The following DICER1 variants were observed in gnomAD, a reference collection of about 807,000 sequenced individuals.
DICER1 encodes endoribonuclease Dicer.
DICER1 carries 43 observed loss-of-function variants against 194.1 expected under a neutral mutation model. The observed-to-expected ratio is 0.22, with a 90% CI of 0.17 to 0.29. The LOEUF (loss-of-function observed/expected upper bound fraction) is 0.29. Ranked by LOEUF, DICER1 falls within the 10% of genes least tolerant of loss-of-function variation. The probability of loss-of-function intolerance (pLI) is 1.00; values close to 1 mark genes in which losing one functional copy is unlikely to be tolerated. For missense variants in DICER1, 1,608 were observed against 2,317.0 expected (o/e 0.69, Z 6.28); for synonymous variants, 832 against 820.5 (o/e 1.01, Z -0.24).
intron 1 of DICER1, among the ~76,000 whole-genome samples, chr14:95,137,565 G>A (rs998878107): frequency 6.7e-6 from 1 of 149,292 alleles, no homozygotes; most frequent in Non-Finnish European, 1.5e-5. Context: ...ATGGAGAAGG[G>A]GAAGGGAAAG....
At position 95,112,163 on chromosome 14, in the gene DICER1, C is replaced by T. The variant is rs1236713443; in HGVS notation, c.2116+9G>A. On this transcript the variant is annotated intron_variant, in intron 13 of 26. Coordinates refer to ENST00000343455, the MANE Select transcript of DICER1 (RefSeq NM_177438.3). ...TTTTCATTCGTATATGCTTTTCAAA[C>T]ATCCTTACCAATTTTGTGCAGTTTC... is the stretch of plus-strand genomic sequence containing the variant. 3 of 1,611,930 alleles carry T rather than the reference C, an allele frequency of 1.9e-6. No homozygotes were observed. The highest frequency in any genetic ancestry group is 1.7e-5 in the Admixed American group (1 of 60,014).
intron 1 of DICER1, among the ~76,000 whole-genome samples, chr14:95,152,879 G>A (rs1436813012): frequency 3.3e-5 from 5 of 152,062 alleles, no homozygotes; most frequent in East Asian, 1.9e-4. Flanking sequence ...TATACACCAC[G>A]ATACAACCAG....
intron 8 of DICER1, among the ~76,000 whole-genome samples, chr14:95,118,037 A>T (rs1053898813): frequency 1.2e-4 from 18 of 152,234 alleles, no homozygotes; most frequent in Admixed American, 1.1e-3. Context: ...ACGGTGATTT[A>T]ATAGAAATGT....
rs2140295035 is a variant in DICER1, at chr14:95,133,312, T to C, written c.144+3A>G. 1 of 1,614,060 alleles carries C rather than the reference T, an allele frequency of 6.2e-7. No individual in the cohort carries two copies. The highest frequency in any genetic ancestry group is 8.5e-7 in the Non-Finnish European group (1 of 1,179,988). ...GCTCCAGTATTAGTGTTCGCATTAG[T>C]ACCTGATATTTTCTTGGCGTATAAA... is the stretch of plus-strand genomic sequence containing the variant. On this transcript the variant is annotated splice_donor_region_variant and intron_variant, in intron 2 of 26. Coordinates refer to ENST00000343455, the MANE Select transcript of DICER1 (RefSeq NM_177438.3).
In DICER1 at chr14:95,096,808, A is replaced by C. The variant is rs1890399335; in HGVS notation, c.4207-95T>G. 5.0e-6 allele frequency: 7 copies of C among 1,402,356 alleles called. No individual in the cohort carries two copies. The South Asian group carries it at 1.0e-4, about 21-fold the overall frequency. The allele number at this position is 1,402,356 out of a possible 1,614,324, so 86.9% of individuals were successfully genotyped here. The stretch of plus-strand genomic sequence containing the variant: ...AAAAGCAAGGGTTATGGATAATTTC[A>C]AATGACAACCACAAATACTAAAAGG... On this transcript the variant is annotated intron_variant, in intron 22 of 26. Coordinates refer to ENST00000343455, the MANE Select transcript of DICER1 (RefSeq NM_177438.3).
intron 4 of DICER1, among the ~76,000 whole-genome samples, chr14:95,130,595 G>A (rs1453624640): frequency 6.6e-6 from 1 of 152,156 alleles, no homozygotes; most frequent in African/African-American, 2.4e-5. Context: ...TATTTTTGTA[G>A]CCTATCATTA....
intron 5 of DICER1, 80 bp downstream of exon 5, chr14:95,129,978 G>T: frequency 7.5e-7 from 1 of 1,331,080 alleles, no homozygotes; most frequent in Non-Finnish European, 1.1e-6. Context: ...TAATATTATT[G>T]CTTTTGAAAT....
At chr14:95,150,751 G>A (rs1486983905) in intron 1 of DICER1, among the ~76,000 whole-genome samples, 1 of 152,200 alleles carries the variant, frequency 6.6e-6, no homozygotes, top group Admixed American at 6.5e-5. Flanking sequence ...GGAAAAACCA[G>A]ATAGATACCC....
At chr14:95,116,334 T>G in intron 10 of DICER1, 119 bp downstream of exon 10, 1 of 1,251,150 alleles carries the variant, frequency 8.0e-7, no homozygotes, top group Non-Finnish European at 1.1e-6. Context: ...ACACCTCTTT[T>G]GAGATTATTG....
chr14:95,128,139 G>A (rs1336017907), intron 6 of DICER1, among the ~76,000 whole-genome samples: 1 of 151,988 alleles, frequency 6.6e-6, no homozygotes, highest in Non-Finnish European at 1.5e-5. Flanking sequence ...CCACCAGAAT[G>A]GCACATAATA....
chr14:95,154,899 C>T (rs1254119922), intron 1 of DICER1, among the ~76,000 whole-genome samples: 1 of 150,354 alleles, frequency 6.7e-6, no homozygotes, highest in Admixed American at 6.6e-5. Context: ...CTGAAATATT[C>T]AAATAACCAT....
In DICER1 at chr14:95,107,768, A is replaced by G. The variant is rs2140020954; in HGVS notation, c.2651-7T>C. On this transcript the variant is annotated splice_region_variant and splice_polypyrimidine_tract_variant and intron_variant, in intron 16 of 26. Transcript: ENST00000343455. ...AAAGTGCTGGAGTCATTAACTTAGAAGAGAAAAACGACTCTTTAGCTTGTT... is the reference window on the plus strand; with the variant it reads ...AAAGTGCTGGAGTCATTAACTTAGAGGAGAAAAACGACTCTTTAGCTTGTT... The G allele has an allele frequency of 1.3e-6, 2 of 1,594,136 alleles. No individual in the cohort carries two copies. Among genetic ancestry groups the G allele is most frequent in the Non-Finnish European group, 1.7e-6 (2 of 1,162,780 alleles).
rs556177682 is a variant in DICER1, at chr14:95,149,091, T to C, written c.-46+8139A>G. On this transcript the variant is annotated intron_variant, in intron 1 of 26. Transcript: ENST00000343455. The stretch of plus-strand genomic sequence containing the variant: ...GGCACATACTTTACTCTTAACACTG[T>C]GCAACGAGTGCTAGAATTTTATTCA... Among the ~76,000 whole-genome samples the C allele has an allele frequency of 2.6e-5, 4 of 152,214 alleles. 1 individual carries two copies. In the South Asian group the frequency reaches 8.3e-4, roughly 32 times the overall value.
intron 23 of DICER1, chr14:95,095,548 A>G (rs1727706741): frequency 4.4e-6 from 2 of 453,808 alleles, no homozygotes; most frequent in Non-Finnish European, 8.1e-6. Flanking sequence ...ACACATCAAA[A>G]TACTAAGGTT....
rs35463377 is a variant in DICER1, at chr14:95,089,049, CA to C, written c.*1448del. ...ATTAAGAGGTATTATAGTTACAGTG[CA>C]AAAAAAAAAAAATTAAAATTTCAAG... On this transcript the variant is annotated 3_prime_UTR_variant, in exon 27 of 27. Coordinates refer to ENST00000343455, the MANE Select transcript of DICER1 (RefSeq NM_177438.3). 1,855 of 206,692 alleles carry C rather than the reference CA, an allele frequency of 9.0e-3. 1 individual carries two copies. The highest frequency in any genetic ancestry group is 0.018 in the Middle Eastern group (12 of 684). The allele number at this position is 206,692 out of a possible 1,614,324, so 12.8% of individuals were successfully genotyped here.
intron 26 of DICER1, 41 bp downstream of exon 26, chr14:95,090,993 T>C (rs781209499): frequency 1.3e-6 from 2 of 1,553,202 alleles, no homozygotes; most frequent in East Asian, 2.2e-5. Flanking sequence ...CCCTTTGATG[T>C]TTTTAAGTTA....
intron 1 of DICER1, among the ~76,000 whole-genome samples, chr14:95,135,814 TG>T (rs1388215339): frequency 6.6e-6 from 1 of 152,238 alleles, no homozygotes; most frequent in African/African-American, 2.4e-5. Flanking sequence ...CATCTGTTGA[TG>T]GACACTTAGA....
chr14:95,096,740 G>A, intron 22 of DICER1, 27 bp from the exon 23 acceptor site: 1 of 1,574,450 alleles, frequency 6.4e-7, no homozygotes, highest in Non-Finnish European at 8.6e-7. Flanking sequence ...TGGGGAAGGA[G>A]GGGAAACATA....
chr14:95,146,713 C>A (rs1019794914), intron 1 of DICER1, among the ~76,000 whole-genome samples: 3 of 152,106 alleles, frequency 2.0e-5, no homozygotes, highest in Non-Finnish European at 2.9e-5. Flanking sequence ...AGGTGTGGCA[C>A]AGGCAGGCCA....
Sources: allele counts gnomAD v4.1 joint callset (sites outside exome capture counted in the v4.1 genomes callset), GRCh38; gene constraint gnomAD v4.1.1; transcripts MANE v1.5; gene names NCBI Gene and HGNC (gene_info 2026-07-23, HGNC 2026-07-21).